The following EPHA6 variants were observed in gnomAD, a reference collection of about 807,000 sequenced individuals.
The protein encoded by EPHA6 is ephrin type-A receptor 6.
EPHA6 carries 50 observed loss-of-function variants against 112.0 expected under a neutral mutation model. The ratio of observed to expected loss-of-function variants is 0.45; its 90% CI spans 0.36 to 0.56. EPHA6 has a LOEUF of 0.56. Among genes scored for constraint, EPHA6 ranks in the 20% least tolerant of loss-of-function variants. EPHA6 has a pLI of 0.00. For missense variants in EPHA6, 1,280 were observed against 1,417.4 expected (o/e 0.90, Z 1.56); for synonymous variants, 529 against 490.7 (o/e 1.08, Z -1.03).
intron 3 of EPHA6, among the ~76,000 whole-genome samples, chr3:97,100,973 TAA>T (rs2047386738): frequency 6.6e-6 from 1 of 152,004 alleles, no homozygotes; most frequent in Non-Finnish European, 1.5e-5. Flanking sequence ...AGATTATCAA[TAA>T]AGTCTATAAT....
intron 2 of EPHA6, among the ~76,000 whole-genome samples, chr3:96,900,659 CAG>C (rs1025105507): frequency 1.1e-4 from 16 of 152,216 alleles, no homozygotes; most frequent in African/African-American, 3.4e-4. Context: ...TTATTATCTA[CAG>C]AGTGTTACTG....
chr3:97,241,038 G>A (rs1047919770), intron 4 of EPHA6, among the ~76,000 whole-genome samples: 6 of 151,310 alleles, frequency 4.0e-5, no homozygotes, highest in African/African-American at 1.2e-4. Context: ...GGGACCTACC[G>A]GGACAGATGT....
intron 10 of EPHA6, among the ~76,000 whole-genome samples, chr3:97,508,017 A>AT (rs2092290034): frequency 2.0e-5 from 3 of 151,950 alleles, no homozygotes; most frequent in African/African-American, 7.2e-5. Flanking sequence ...CTACTTTATC[A>AT]TTTTTTGGGT....
In EPHA6 at chr3:97,027,976, C is replaced by A. The variant is rs144105546; in HGVS notation, c.1114+39983C>A. ...GGTGGAATTGCGTGTCTAGAATTCC[C>A]TTTAAAACTGTCAATAGCCGAATTT... On this transcript the variant is annotated intron_variant, in intron 3 of 17. Transcript: ENST00000389672. Among the ~76,000 whole-genome samples the A allele has an allele frequency of 6.6e-3, 1,000 of 152,244 alleles. 14 individuals are homozygous for A. Among genetic ancestry groups the A allele is most frequent in the African/African-American group, 0.022 (925 of 41,548 alleles).
At chr3:96,963,465 G>A (rs2042016722) in intron 2 of EPHA6, among the ~76,000 whole-genome samples, 1 of 152,088 alleles carries the variant, frequency 6.6e-6, no homozygotes, top group Non-Finnish European at 1.5e-5. Context: ...CTTTGTTACT[G>A]GGTCAACTGT....
chr3:97,603,312 C>T (rs945083974), intron 12 of EPHA6, among the ~76,000 whole-genome samples: 11 of 151,858 alleles, frequency 7.2e-5, no homozygotes, highest in South Asian at 2.1e-4. Context: ...TCTCTGGAAC[C>T]GGCAGGAAAA....
chr3:96,883,688 C>G (rs1041969965), intron 2 of EPHA6, among the ~76,000 whole-genome samples: 1 of 152,042 alleles, frequency 6.6e-6, no homozygotes, highest in South Asian at 2.1e-4. Context: ...ATTTTTGAGA[C>G]AGAGTCTCAC....
intron 5 of EPHA6, among the ~76,000 whole-genome samples, chr3:97,403,886 A>G (rs919409200): frequency 1.3e-5 from 2 of 152,106 alleles, no homozygotes; most frequent in Admixed American, 1.3e-4. Context: ...CAACCATTAT[A>G]ATTATTTGTT....
chr3:97,030,915 G>A (rs1051443157), intron 3 of EPHA6, among the ~76,000 whole-genome samples: 3 of 151,882 alleles, frequency 2.0e-5, no homozygotes, highest in Non-Finnish European at 4.4e-5. Flanking sequence ...ATGCATGTGT[G>A]TTATTTAACA....
intron 3 of EPHA6, among the ~76,000 whole-genome samples, chr3:97,085,581 A>C (rs2046867528): frequency 6.6e-6 from 1 of 152,060 alleles, no homozygotes; most frequent in South Asian, 2.1e-4. Flanking sequence ...ATATATCCTA[A>C]TATAGTGCAT....
chr3:96,971,456 G>C (rs1175338147), intron 2 of EPHA6, among the ~76,000 whole-genome samples: 1 of 152,026 alleles, frequency 6.6e-6, no homozygotes, highest in Non-Finnish European at 1.5e-5. Flanking sequence ...ATTCTCCAAA[G>C]CTGGTTATCA....
intron 3 of EPHA6, among the ~76,000 whole-genome samples, chr3:97,011,880 A>G (rs1431799178): frequency 2.0e-5 from 3 of 152,108 alleles, no homozygotes; most frequent in Non-Finnish European, 4.4e-5. Context: ...CCCACTTATA[A>G]GTGAGGACAT....
chr3:97,645,232 A>G (rs571161293), intron 14 of EPHA6, among the ~76,000 whole-genome samples: 3,935 of 148,680 alleles, frequency 0.026, 155 homozygotes, highest in African/African-American at 0.092. Flanking sequence ...TTATTGCGGC[A>G]TTATTCACAA....
chr3:97,396,496 G>A (rs2086701165), intron 5 of EPHA6, among the ~76,000 whole-genome samples: 1 of 150,966 alleles, frequency 6.6e-6, no homozygotes. Context: ...ATTTTCAAAG[G>A]CAACAAGGAT....
At chr3:96,917,640 A>C (rs1229687642) in intron 2 of EPHA6, among the ~76,000 whole-genome samples, 1 of 151,966 alleles carries the variant, frequency 6.6e-6, no homozygotes, top group Non-Finnish European at 1.5e-5. Context: ...CACTGCGCTA[A>C]GGCTGTCTAT....
chr3:96,892,175 C>A (rs1163540620), intron 2 of EPHA6, among the ~76,000 whole-genome samples: 2 of 152,162 alleles, frequency 1.3e-5, no homozygotes, highest in Non-Finnish European at 2.9e-5. Context: ...AATACACACA[C>A]ACCTCTCTGT....
chr3:97,259,028 A>G (rs770416470), intron 5 of EPHA6, among the ~76,000 whole-genome samples: 3 of 152,174 alleles, frequency 2.0e-5, no homozygotes, highest in Non-Finnish European at 2.9e-5. Context: ...CTACATTGTA[A>G]TATTTTTAGG....
intron 8 of EPHA6, among the ~76,000 whole-genome samples, chr3:97,476,725 C>G (rs1359350102): frequency 1.3e-5 from 2 of 152,016 alleles, no homozygotes; most frequent in Non-Finnish European, 2.9e-5. Context: ...AACAAACCTC[C>G]TTTTATAGAA....
intron 13 of EPHA6, among the ~76,000 whole-genome samples, chr3:97,611,425 A>T (rs1175673244): frequency 6.6e-6 from 1 of 152,040 alleles, no homozygotes; most frequent in African/African-American, 2.4e-5. Flanking sequence ...CTTTAAAAGT[A>T]TAGTATATAC....
Sources: gnomAD v4.1 joint callset for allele counts (sites outside exome capture counted in the v4.1 genomes callset) on GRCh38, gnomAD v4.1.1 for gene constraint, MANE v1.5 for transcripts, NCBI Gene and HGNC (gene_info 2026-07-23, HGNC 2026-07-21) for gene names.